CNTN5: variants seen among roughly 807,000 people sequenced by gnomAD.
CNTN5 encodes the protein contactin-5.
A neutral mutation model predicts 129.1 loss-of-function variants in CNTN5; 77 were observed. That is an observed-to-expected ratio of 0.60 (90% CI 0.50 to 0.72). CNTN5 has a LOEUF of 0.72. CNTN5 is among the 30% of genes least tolerant of loss of function. The pLI is 0.00. For synonymous variants in CNTN5, 509 were observed against 465.6 expected (o/e 1.09, Z -1.20); for missense variants, 1,478 against 1,328.8 (o/e 1.11, Z -1.75).
Position 99,860,905 on chromosome 11 carries a change from T to C in CNTN5, c.577+15643T>C, listed in dbSNP as rs138145301. On this transcript the variant is annotated intron_variant, in intron 6 of 24. Transcript: ENST00000524871. ...ATTACTTTGGGCAGTGTGGGCATTT[T>C]AATGATATTGATTCTTCTATTCCAT... Among the ~76,000 whole-genome samples the C allele has an allele frequency of 6.6e-3, 1,009 of 151,974 alleles. 11 individuals are homozygous for C. The highest frequency in any genetic ancestry group is 0.022 in the African/African-American group (900 of 41,458).
At chr11:100,306,307 A>T (rs1187919769) in intron 20 of CNTN5, among the ~76,000 whole-genome samples, 1 of 151,686 alleles carries the variant, frequency 6.6e-6, no homozygotes, top group African/African-American at 2.4e-5. Context: ...TTTGAGAAAT[A>T]CTTAAACTTG....
chr11:100,189,278 A>G (rs1041413326), intron 13 of CNTN5, among the ~76,000 whole-genome samples: 1 of 151,866 alleles, frequency 6.6e-6, no homozygotes, highest in East Asian at 1.9e-4. Context: ...AAAAAAAAAA[A>G]AAAAACCTTG....
chr11:99,813,214 G>A (rs1010482467), intron 3 of CNTN5, among the ~76,000 whole-genome samples: 2 of 152,126 alleles, frequency 1.3e-5, no homozygotes, highest in Admixed American at 6.6e-5. Flanking sequence ...GAAAGAATGC[G>A]AGGGATTATG....
chr11:99,748,998 C>T (rs781707968), intron 3 of CNTN5, among the ~76,000 whole-genome samples: 12 of 152,126 alleles, frequency 7.9e-5, no homozygotes, highest in Non-Finnish European at 1.5e-4. Context: ...TTCAGATTTT[C>T]CATTTCTTCA....
Position 99,825,778 on chromosome 11 carries a change from T to G in CNTN5, c.277+6013T>G, listed in dbSNP as rs186493569. ...GTTGTTATTTCCTTTGTTAATAGAC[T>G]TCCCTGTGGAAGTTATTTTTTTCTA... On this transcript the variant is annotated intron_variant, in intron 4 of 24. Coordinates refer to ENST00000524871, the MANE Select transcript of CNTN5 (RefSeq NM_014361.4). Among the ~76,000 whole-genome samples the G allele has an allele frequency of 3.3e-5, 5 of 152,256 alleles. No homozygotes were observed. In the East Asian group the frequency reaches 9.6e-4, roughly 29 times the overall value.
intron 8 of CNTN5, among the ~76,000 whole-genome samples, chr11:99,977,343 T>C (rs1938049038): frequency 6.6e-6 from 1 of 152,210 alleles, no homozygotes; most frequent in Non-Finnish European, 1.5e-5. Context: ...TGTTCCAACA[T>C]CTGCCCATTA....
At chr11:100,075,818 A>G (rs188737163) in intron 13 of CNTN5, among the ~76,000 whole-genome samples, 1 of 152,284 alleles carries the variant, frequency 6.6e-6, no homozygotes, top group East Asian at 1.9e-4. Context: ...GGTTTCTATC[A>G]TTCTCTTCAG....
intron 13 of CNTN5, among the ~76,000 whole-genome samples, chr11:100,109,007 C>A (rs1316330110): frequency 1.3e-5 from 2 of 152,132 alleles, no homozygotes; most frequent in African/African-American, 4.8e-5. Context: ...TACTTCAACA[C>A]CCTTGACCAA....
intron 8 of CNTN5, among the ~76,000 whole-genome samples, chr11:99,972,085 TAAAAAAAAAA>T (rs71050038): frequency 9.8e-5 from 9 of 92,206 alleles, no homozygotes; most frequent in South Asian, 4.2e-4. Context: ...TTATCTCTAT[TAAAAAAAAAA>T]AAAAAAAAAA....
intron 16 of CNTN5, among the ~76,000 whole-genome samples, chr11:100,242,505 G>C (rs1158348827): frequency 6.6e-6 from 1 of 152,148 alleles, no homozygotes; most frequent in African/African-American, 2.4e-5. Context: ...TGGCTGAGGA[G>C]GCCTCAGGAA....
In CNTN5 at chr11:99,569,429, T is replaced by G. The variant is rs147347403; in HGVS notation, c.55+13160T>G. ...CCCGGGTTCAAGCGATTCTCCCGCG[T>G]CAGCCTCCCGAGTAGCTGGGATTAC... On this transcript the variant is annotated intron_variant, in intron 3 of 24. Transcript: ENST00000524871. 2.7e-4 allele frequency among the ~76,000 whole-genome samples: 41 copies of G among 152,322 alleles called. 2 individuals are homozygous for G. Among genetic ancestry groups the G allele is most frequent in the African/African-American group, 8.9e-4 (37 of 41,584 alleles).
chr11:99,138,317 A>G (rs1380088360), intron 1 of CNTN5, among the ~76,000 whole-genome samples: 2 of 152,076 alleles, frequency 1.3e-5, no homozygotes, highest in Admixed American at 1.3e-4. Flanking sequence ...ATCGTCCTAT[A>G]TGGATGAAAT....
chr11:99,106,809 T>G (rs1171185275), intron 1 of CNTN5, among the ~76,000 whole-genome samples: 1 of 152,106 alleles, frequency 6.6e-6, no homozygotes, highest in Non-Finnish European at 1.5e-5. Flanking sequence ...GCACTGAGAT[T>G]GTAACATGAT....
chr11:99,896,556 A>G (rs1383980993), intron 6 of CNTN5, among the ~76,000 whole-genome samples: 4 of 152,092 alleles, frequency 2.6e-5, no homozygotes, highest in Non-Finnish European at 2.9e-5. Context: ...CCAATCTCCA[A>G]TGCAGCCTTT....
chr11:99,508,698 A>T (rs1286972653), intron 2 of CNTN5, among the ~76,000 whole-genome samples: 1 of 128,272 alleles, frequency 7.8e-6, no homozygotes, highest in African/African-American at 3.0e-5. Context: ...TTTTTTTTTG[A>T]CACGGAATTT....
chr11:99,527,257 G>A (rs1254047248), intron 2 of CNTN5, among the ~76,000 whole-genome samples: 1 of 152,152 alleles, frequency 6.6e-6, no homozygotes, highest in South Asian at 2.1e-4. Flanking sequence ...CATTTATTCA[G>A]CACAGCCAAT....
intron 11 of CNTN5, among the ~76,000 whole-genome samples, chr11:100,071,359 C>T (rs556176614): frequency 7.2e-5 from 11 of 152,086 alleles, no homozygotes; most frequent in African/African-American, 2.7e-4. Flanking sequence ...TCCTTCTTTC[C>T]CTTTGTAAAC....
intron 2 of CNTN5, among the ~76,000 whole-genome samples, chr11:99,486,599 G>A (rs1270805069): frequency 3.9e-5 from 6 of 152,098 alleles, no homozygotes; most frequent in Non-Finnish European, 8.8e-5. Context: ...TCAGTTAACT[G>A]TAAAATTGAA....
At chr11:100,123,827 T>C (rs887676281) in intron 13 of CNTN5, among the ~76,000 whole-genome samples, 2 of 152,000 alleles carry the variant, frequency 1.3e-5, no homozygotes, top group Non-Finnish European at 2.9e-5. Flanking sequence ...CCAGTATTTA[T>C]TGAGTACTCA....
Sources: gnomAD v4.1 joint callset for allele counts (sites outside exome capture counted in the v4.1 genomes callset) on GRCh38, gnomAD v4.1.1 for gene constraint, MANE v1.5 for transcripts, NCBI Gene and HGNC (gene_info 2026-07-23, HGNC 2026-07-21) for gene names.